The following PTPRT variants were observed in gnomAD, a reference collection of about 807,000 sequenced individuals.
PTPRT encodes the protein protein tyrosine phosphatase receptor type T, also known as receptor-type tyrosine-protein phosphatase T.
A neutral mutation model predicts 176.8 loss-of-function variants in PTPRT; 56 were observed. That is an observed-to-expected ratio of 0.32 (90% confidence interval 0.26 to 0.40). The LOEUF (loss-of-function observed/expected upper bound fraction) is 0.40, where lower values mean the gene tolerates loss of function less well. PTPRT is among the 10% of genes least tolerant of loss of function. The pLI, the probability that PTPRT is intolerant of heterozygous loss-of-function variation, is 1.00. For synonymous variants in PTPRT, 783 were observed against 739.0 expected (o/e 1.06, Z -0.96); for missense variants, 1,540 against 1,908.2 (o/e 0.81, Z 3.60).
chr20:42,550,119 G>T (rs920484046), intron 7 of PTPRT, among the ~76,000 whole-genome samples: 1 of 152,050 alleles, frequency 6.6e-6, no homozygotes, highest in Non-Finnish European at 1.5e-5. Flanking sequence ...TCTTCTGTAC[G>T]CCCCTTGCTT....
chr20:42,658,225 T>C (rs149866705), intron 7 of PTPRT, among the ~76,000 whole-genome samples: 40 of 152,328 alleles, frequency 2.6e-4, no homozygotes, highest in Non-Finnish European at 4.6e-4. Flanking sequence ...TTTATGTACA[T>C]AACCTTGTTC....
At chr20:42,607,585 G>A (rs993173854) in intron 7 of PTPRT, 1 of 152,540 alleles carries the variant, frequency 6.6e-6, no homozygotes, top group African/African-American at 2.4e-5. Context: ...TCACTCATCA[G>A]TGAAAATTCT....
intron 7 of PTPRT, among the ~76,000 whole-genome samples, chr20:42,632,682 T>A (rs1036686468): frequency 1.3e-5 from 2 of 149,514 alleles, no homozygotes; most frequent in Non-Finnish European, 3.0e-5. Flanking sequence ...TATTTTACTA[T>A]ATTTATTAAT....
At chr20:42,564,592 G>A (rs963274912) in intron 7 of PTPRT, among the ~76,000 whole-genome samples, 2 of 152,058 alleles carry the variant, frequency 1.3e-5, no homozygotes, top group Non-Finnish European at 1.5e-5. Flanking sequence ...TTGTTGGGGG[G>A]ACAAGGGAAG....
intron 7 of PTPRT, among the ~76,000 whole-genome samples, chr20:42,524,461 C>T (rs2072233489): frequency 6.6e-6 from 1 of 152,098 alleles, no homozygotes; most frequent in Non-Finnish European, 1.5e-5. Flanking sequence ...GGATTTTTCG[C>T]TGTTTTCTGG....
chr20:42,962,931 G>A (rs994267939), intron 1 of PTPRT, among the ~76,000 whole-genome samples: 3 of 152,148 alleles, frequency 2.0e-5, no homozygotes, highest in Non-Finnish European at 2.9e-5. Flanking sequence ...GGGCACGGTG[G>A]CTCACACCTG....
intron 15 of PTPRT, among the ~76,000 whole-genome samples, chr20:42,230,450 C>T (rs1260080753): frequency 6.6e-6 from 1 of 152,158 alleles, no homozygotes; most frequent in South Asian, 2.1e-4. Context: ...GGACACATGC[C>T]AACTCTTAAT....
intron 1 of PTPRT, among the ~76,000 whole-genome samples, chr20:42,945,891 G>C (rs978936285): frequency 3.9e-5 from 6 of 151,994 alleles, no homozygotes; most frequent in African/African-American, 1.4e-4. Context: ...CCCTTCCCCA[G>C]CCCTTAGTAA....
intron 16 of PTPRT, among the ~76,000 whole-genome samples, chr20:42,164,167 C>T (rs930821062): frequency 6.6e-6 from 1 of 152,186 alleles, no homozygotes; most frequent in African/African-American, 2.4e-5. Context: ...AACATGGGGA[C>T]AGTTGTCTTC....
At chr20:42,880,835 C>A (rs1290520745) in intron 2 of PTPRT, among the ~76,000 whole-genome samples, 1 of 152,166 alleles carries the variant, frequency 6.6e-6, no homozygotes, top group Non-Finnish European at 1.5e-5. Context: ...GAGGAAAAGT[C>A]TGTATTTAGG....
rs367709967 is a variant in PTPRT, at chr20:42,863,986, G to A, written c.214+21821C>T. Among the ~76,000 whole-genome samples the A allele has an allele frequency of 1.1e-3, 163 of 152,328 alleles. 2 individuals carry two copies. The highest frequency in any genetic ancestry group is 3.7e-3 in the African/African-American group (153 of 41,570). On this transcript the variant is annotated intron_variant, in intron 2 of 30. Transcript: ENST00000373187. Reference sequence around the variant, plus strand: ...GACAGGTGTTCAGGAAGTCGCTCCAGCTACCTGGCCAGGATGCTGTAGTCT... The same window carrying A: ...GACAGGTGTTCAGGAAGTCGCTCCAACTACCTGGCCAGGATGCTGTAGTCT...
intron 1 of PTPRT, among the ~76,000 whole-genome samples, chr20:43,105,612 G>C (rs939426872): frequency 6.6e-6 from 1 of 152,110 alleles, no homozygotes; most frequent in Non-Finnish European, 1.5e-5. Flanking sequence ...TGTTGCCCAG[G>C]CTGGCTCAAA....
At chr20:42,973,418 C>T (rs999870608) in intron 1 of PTPRT, among the ~76,000 whole-genome samples, 1 of 152,064 alleles carries the variant, frequency 6.6e-6, no homozygotes, top group Admixed American at 6.5e-5. Flanking sequence ...ATCTCCACCC[C>T]ACTTCTTTAT....
intron 9 of PTPRT, among the ~76,000 whole-genome samples, chr20:42,409,481 C>CAAAAAAAAA (rs58932390): frequency 6.2e-5 from 7 of 112,166 alleles, no homozygotes; most frequent in African/African-American, 2.2e-4. Context: ...GACTCTGTCG[C>CAAAAAAAAA]AAAAAAAAAA....
In PTPRT at chr20:42,448,326, G is replaced by C; in HGVS notation, c.1454C>G (p.Pro485Arg). ...ELVVQTEEDV[P>R]GAVPLESIQG... ...GATGGATTCTAGAGGAACAGCTCCT[G>C]GAACTACAGAATGGAAAAGTTATGA... The change falls in exon 9 of 31, where the codon CCA becomes CGA. Residue 485 changes from proline to arginine, a missense_variant. By Grantham distance (103) the Pro-to-Arg change is moderately radical. This residue lies in a region of PTPRT where 3 missense variants were observed against 16.2 expected (regional missense o/e 0.18). Transcript: ENST00000373187. The C allele has an allele frequency of 6.2e-7, 1 of 1,607,176 alleles. No individual in the cohort carries two copies. The highest frequency in any genetic ancestry group is 8.5e-7 in the Non-Finnish European group (1 of 1,173,830).
chr20:43,128,332 T>C (rs17750840), intron 1 of PTPRT, among the ~76,000 whole-genome samples: 8,908 of 152,312 alleles, frequency 0.058, 315 homozygotes, highest in African/African-American at 0.095. Flanking sequence ...AATGACCAAT[T>C]GTTGACTGAT....
At chr20:42,416,337 G>C (rs73121626) in intron 9 of PTPRT, among the ~76,000 whole-genome samples, 2,025 of 152,178 alleles carry the variant, frequency 0.013, 21 homozygotes, top group Non-Finnish European at 0.02. Flanking sequence ...AATCAAGCCC[G>C]CAAACACCTT....
chr20:42,377,428 T>C (rs6016766), intron 9 of PTPRT, among the ~76,000 whole-genome samples: 3 of 152,360 alleles, frequency 2.0e-5, no homozygotes, highest in African/African-American at 4.8e-5. Flanking sequence ...AATGTATGCA[T>C]GCATAAACCA....
At chr20:43,143,653 A>G (rs943315574) in intron 1 of PTPRT, among the ~76,000 whole-genome samples, 2 of 152,242 alleles carry the variant, frequency 1.3e-5, no homozygotes, top group Non-Finnish European at 2.9e-5. Context: ...AGGTTGAGAT[A>G]GAGATCTAAG....
Sources: gnomAD v4.1 joint callset for allele counts (sites outside exome capture counted in the v4.1 genomes callset) on GRCh38, gnomAD v4.1.1 for gene constraint, gnomAD v4.1.1 regional missense constraint, MANE v1.5 for transcripts, NCBI Gene and HGNC (gene_info 2026-07-23, HGNC 2026-07-21) for gene names.